RBFOX1: variants seen among roughly 807,000 people sequenced by gnomAD.
RBFOX1 encodes RNA binding fox-1 homolog 1.
Under a neutral mutation model 57.7 loss-of-function variants are expected in RBFOX1, and 8 were observed. That is an observed-to-expected ratio of 0.14 (90% CI 0.08 to 0.25). The LOEUF (loss-of-function observed/expected upper bound fraction) is 0.25, where lower values mean the gene tolerates loss of function less well. RBFOX1 is among the 10% of genes least tolerant of loss of function. RBFOX1 has a pLI of 1.00. For synonymous variants in RBFOX1, 326 were observed against 222.4 expected, an observed-to-expected ratio of 1.47 and a Z score of -4.15; for missense variants, 611 against 548.5, an observed-to-expected ratio of 1.11 and a Z score of -1.14.
intron 1 of RBFOX1, among the ~76,000 whole-genome samples, chr16:6,104,608 TC>T (rs1201386268): frequency 6.6e-6 from 1 of 152,168 alleles, no homozygotes; most frequent in African/African-American, 2.4e-5. Flanking sequence ...CACTAATCTA[TC>T]GTGTTCCTAG....
chr16:7,531,013 C>G (rs1320575355), intron 5 of RBFOX1, among the ~76,000 whole-genome samples: 1 of 152,150 alleles, frequency 6.6e-6, no homozygotes, highest in African/African-American at 2.4e-5. Flanking sequence ...CAAGTTCTTT[C>G]AGCAGTAAAC....
At chr16:6,825,632 G>C (rs1276753991) in intron 3 of RBFOX1, among the ~76,000 whole-genome samples, 2 of 152,108 alleles carry the variant, frequency 1.3e-5, no homozygotes, top group African/African-American at 2.4e-5. Context: ...CTGGGAGTGG[G>C]TATTTATTCA....
chr16:6,003,112 T>C (rs1368430177), intron 4 of RBFOX1, among the ~76,000 whole-genome samples: 2 of 151,836 alleles, frequency 1.3e-5, no homozygotes, highest in Non-Finnish European at 2.9e-5. Flanking sequence ...ACCCCGTCTC[T>C]ACTAAAAATA....
At chr16:5,652,124 A>C (rs767804864) in intron 3 of RBFOX1, among the ~76,000 whole-genome samples, 4 of 152,084 alleles carry the variant, frequency 2.6e-5, no homozygotes, top group Admixed American at 6.5e-5. Context: ...ACATAGTGAG[A>C]CTCCATCTAA....
chr16:5,693,857 G>C (rs1420617939), intron 3 of RBFOX1, among the ~76,000 whole-genome samples: 1 of 152,126 alleles, frequency 6.6e-6, no homozygotes, highest in Non-Finnish European at 1.5e-5. Context: ...CAGTTTTCCT[G>C]ATCTAGAGAA....
chr16:7,075,323 A>G (rs1190276309), intron 4 of RBFOX1, among the ~76,000 whole-genome samples: 2 of 152,246 alleles, frequency 1.3e-5, no homozygotes, highest in Non-Finnish European at 2.9e-5. Flanking sequence ...TAGAGCACTG[A>G]GAGGTTGCCC....
At chr16:6,784,959 A>G (rs936420421) in intron 3 of RBFOX1, among the ~76,000 whole-genome samples, 2 of 152,134 alleles carry the variant, frequency 1.3e-5, no homozygotes, top group African/African-American at 4.8e-5. Flanking sequence ...TTAACTGCTC[A>G]TATAGGGGAT....
chr16:6,528,042 C>G (rs2096605387), intron 2 of RBFOX1, among the ~76,000 whole-genome samples: 1 of 152,104 alleles, frequency 6.6e-6, no homozygotes, highest in African/African-American at 2.4e-5. Flanking sequence ...TTCCTTCTAC[C>G]TTACATCCTT....
At chr16:5,439,220 G>C (rs982289687) in intron 1 of RBFOX1, among the ~76,000 whole-genome samples, 1 of 152,034 alleles carries the variant, frequency 6.6e-6, no homozygotes, top group Non-Finnish European at 1.5e-5. Flanking sequence ...TATGGAATGT[G>C]AGTCATTCCA....
At chr16:7,622,288 T>A (rs2059429182) in intron 10 of RBFOX1, among the ~76,000 whole-genome samples, 1 of 152,204 alleles carries the variant, frequency 6.6e-6, no homozygotes, top group Non-Finnish European at 1.5e-5. Context: ...GGTATAAAAA[T>A]AGTGTCTGTC....
At chr16:6,326,161 G>A (rs1226862980) in intron 2 of RBFOX1, among the ~76,000 whole-genome samples, 2 of 152,174 alleles carry the variant, frequency 1.3e-5, no homozygotes, top group Non-Finnish European at 2.9e-5. Flanking sequence ...CTATGACATT[G>A]ATATGGAAGT....
rs573722388 is a variant in RBFOX1 at position 6,906,300 on chromosome 16, G to T, written c.-15-145757G>T. Reference sequence around the variant, plus strand: ...AAGGATTAAATATTTATGTCTGTTGGCTGGGGTAATAAAATTGTATTCAAT... The same window carrying T: ...AAGGATTAAATATTTATGTCTGTTGTCTGGGGTAATAAAATTGTATTCAAT... On this transcript the variant is annotated intron_variant, in intron 3 of 15. Transcript: ENST00000550418. Among the ~76,000 whole-genome samples the T allele has an allele frequency of 5.9e-5, 9 of 151,920 alleles. No individual in the cohort carries two copies. In the South Asian group the frequency reaches 1.7e-3, roughly 28 times the overall value.
rs1351959354 is a variant in RBFOX1 at position 7,413,085 on chromosome 16, TA to T, written c.28-105055del. Among the ~76,000 whole-genome samples, 23 of 151,786 alleles carry T rather than the reference TA, an allele frequency of 1.5e-4. No individual in the cohort carries two copies. The East Asian group carries it at 4.3e-3, about 28-fold the overall frequency. ...ATAAAAATAAAAATAAAATAAAAAA[TA>T]AAAAAATAAATTATGGAATTATTTT... On this transcript the variant is annotated intron_variant, in intron 4 of 15. Transcript: ENST00000550418.
intron 3 of RBFOX1, among the ~76,000 whole-genome samples, chr16:5,606,628 A>G (rs1004741553): frequency 6.6e-6 from 1 of 152,172 alleles, no homozygotes; most frequent in Non-Finnish European, 1.5e-5. Context: ...GCAGTCTGTG[A>G]GGAGGACACA....
chr16:6,494,325 G>T (rs543056195), intron 2 of RBFOX1, among the ~76,000 whole-genome samples: 7 of 152,164 alleles, frequency 4.6e-5, no homozygotes, highest in East Asian at 1.9e-4. Context: ...GTACTGAGCA[G>T]TTCCATCCTG....
At chr16:7,399,563 G>A (rs189370088) in intron 4 of RBFOX1, among the ~76,000 whole-genome samples, 1 of 152,300 alleles carries the variant, frequency 6.6e-6, no homozygotes, top group African/African-American at 2.4e-5. Flanking sequence ...CTCTCTTTTA[G>A]CCTCTGGTGG....
At chr16:5,799,932 G>C (rs117557855) in intron 3 of RBFOX1, among the ~76,000 whole-genome samples, 1 of 151,942 alleles carries the variant, frequency 6.6e-6, no homozygotes, top group Non-Finnish European at 1.5e-5. Flanking sequence ...TGGGTGTTCT[G>C]TTTCATATAC....
chr16:7,057,073 A>G (rs1391627842), intron 4 of RBFOX1, among the ~76,000 whole-genome samples: 1 of 151,688 alleles, frequency 6.6e-6, no homozygotes, highest in East Asian at 1.9e-4. Flanking sequence ...AAGGTGAGCT[A>G]CTGTTAATAC....
intron 2 of RBFOX1, among the ~76,000 whole-genome samples, chr16:6,549,044 C>G (rs1324748901): frequency 6.9e-6 from 1 of 144,656 alleles, no homozygotes; most frequent in Non-Finnish European, 1.5e-5. Flanking sequence ...CACTGCACTC[C>G]AGCCTGGGCA....
Sources: gnomAD v4.1 joint callset for allele counts (sites outside exome capture counted in the v4.1 genomes callset) on GRCh38, gnomAD v4.1.1 for gene constraint, MANE v1.5 for transcripts, NCBI Gene and HGNC (gene_info 2026-07-23, HGNC 2026-07-21) for gene names.